DTNB: variants seen among roughly 807,000 people sequenced by gnomAD.
DTNB encodes the protein DTN-B.
DTNB carries 63 observed loss-of-function variants against 90.7 expected under a neutral mutation model. That is an observed-to-expected ratio of 0.69 (90% CI 0.57 to 0.86). The LOEUF (loss-of-function observed/expected upper bound fraction) is 0.86. DTNB is among the 40% of genes least tolerant of loss of function. DTNB has a pLI of 0.00. For missense variants in DTNB, 744 were observed against 807.1 expected (o/e 0.92, Z 0.95); for synonymous variants, 277 against 286.7 (o/e 0.97, Z 0.34).
At chr2:25,564,563 T>C (rs1043159696) in intron 8 of DTNB, among the ~76,000 whole-genome samples, 7 of 151,872 alleles carry the variant, frequency 4.6e-5, no homozygotes, top group Admixed American at 1.3e-4. Flanking sequence ...TTTTTTTGTA[T>C]TTTTAATAGA....
chr2:25,502,758 C>T (rs1405139061), intron 9 of DTNB, among the ~76,000 whole-genome samples: 4 of 151,352 alleles, frequency 2.6e-5, no homozygotes, highest in African/African-American at 9.7e-5. Context: ...TGGTGGCCAG[C>T]GCCTGTAGTC....
At chr2:25,397,790 G>C (rs1021713368) in intron 16 of DTNB, among the ~76,000 whole-genome samples, 1 of 148,432 alleles carries the variant, frequency 6.7e-6, no homozygotes, top group African/African-American at 2.5e-5. Flanking sequence ...TGACGCAGGA[G>C]AATCGCTTGA....
intron 9 of DTNB, among the ~76,000 whole-genome samples, chr2:25,518,164 G>A (rs1244629021): frequency 1.3e-5 from 2 of 151,750 alleles, no homozygotes; most frequent in South Asian, 2.1e-4. Flanking sequence ...CTTAAAAACC[G>A]TACACTTAAA....
At chr2:25,416,706 G>C (rs993374877) in intron 16 of DTNB, among the ~76,000 whole-genome samples, 1 of 151,726 alleles carries the variant, frequency 6.6e-6, no homozygotes, top group Non-Finnish European at 1.5e-5. Flanking sequence ...AAGCTAACAA[G>C]TTATACAATT....
chr2:25,408,077 G>A (rs1489232229), intron 16 of DTNB, among the ~76,000 whole-genome samples: 1 of 151,998 alleles, frequency 6.6e-6, no homozygotes, highest in African/African-American at 2.4e-5. Flanking sequence ...AGGCTGAGGT[G>A]GGTGGATCAC....
chr2:25,556,167 T>C (rs2057311801), intron 8 of DTNB, among the ~76,000 whole-genome samples: 1 of 139,626 alleles, frequency 7.2e-6, no homozygotes, highest in African/African-American at 2.8e-5. Flanking sequence ...TTTGGCCATC[T>C]CTCTTTTTTT....
chr2:25,627,926 C>A lies in DTNB; in HGVS notation c.362+245G>T, dbSNP rs566248737. ...TAATTTTTTGTATTTTTAGTAGAGA[C>A]GGGGTTTCACCGTGTTAGCCGGGAT... On this transcript the variant is annotated intron_variant, in intron 4 of 20. Transcript: ENST00000406818. Among the ~76,000 whole-genome samples, 12 of 151,982 alleles carry A rather than the reference C, an allele frequency of 7.9e-5. No individual in the cohort carries two copies. In the South Asian group the frequency reaches 2.3e-3, roughly 29 times the overall value.
At chr2:25,456,416 T>A (rs2060039297) in intron 10 of DTNB, among the ~76,000 whole-genome samples, 1 of 152,148 alleles carries the variant, frequency 6.6e-6, no homozygotes. Context: ...CAAAAATATT[T>A]TAGTATCCCA....
intron 5 of DTNB, among the ~76,000 whole-genome samples, chr2:25,601,880 G>A (rs1471810232): frequency 1.3e-5 from 2 of 152,088 alleles, no homozygotes; most frequent in African/African-American, 4.8e-5. Flanking sequence ...CTAACACTTG[G>A]GGAGGCCAAG....
chr2:25,633,509 C>A (rs949108668), intron 3 of DTNB, among the ~76,000 whole-genome samples: 31 of 152,200 alleles, frequency 2.0e-4, no homozygotes, highest in Admixed American at 1.8e-3. Context: ...GATCTCGGCT[C>A]GCTACAACCT....
At chr2:25,447,399 T>C (rs1044216193) in intron 12 of DTNB, among the ~76,000 whole-genome samples, 10 of 152,086 alleles carry the variant, frequency 6.6e-5, no homozygotes, top group African/African-American at 2.4e-4. Flanking sequence ...AAAGTAAGTA[T>C]AGACAGGCCT....
intron 8 of DTNB, among the ~76,000 whole-genome samples, chr2:25,541,726 TACAA>T (rs1233681393): frequency 6.6e-6 from 1 of 152,190 alleles, no homozygotes; most frequent in Admixed American, 6.5e-5. Context: ...AACATGAGTG[TACAA>T]ACATCTCTTT....
At chr2:25,525,708 T>C (rs2076963716) in intron 9 of DTNB, among the ~76,000 whole-genome samples, 3 of 152,010 alleles carry the variant, frequency 2.0e-5, no homozygotes, top group African/African-American at 7.3e-5. Flanking sequence ...AAAATCCAAG[T>C]TCTAATTCTT....
Position 25,531,060 on chromosome 2 carries a change from C to T in DTNB, c.1001+413G>A, listed in dbSNP as rs1030633313. 1.1e-4 allele frequency among the ~76,000 whole-genome samples: 16 copies of T among 152,204 alleles called. 1 individual carries two copies. Among genetic ancestry groups the T allele is most frequent in the South Asian group, 4.2e-4 (2 of 4,814 alleles). On this transcript the variant is annotated intron_variant, in intron 9 of 20. Transcript: ENST00000406818. ...TATGTTTCCTAATTTTCCCTCAATA[C>T]AAAAAACAGCAAATTAAGTTGATTT... is the stretch of plus-strand genomic sequence containing the variant.
At chr2:25,476,930 C>T (rs1305160511) in intron 10 of DTNB, among the ~76,000 whole-genome samples, 1 of 152,178 alleles carries the variant, frequency 6.6e-6, no homozygotes, top group African/African-American at 2.4e-5. Context: ...AACAGCATCA[C>T]ATGCCACAGA....
At chr2:25,420,234 T>C (rs1218750017) in intron 15 of DTNB, among the ~76,000 whole-genome samples, 1 of 145,428 alleles carries the variant, frequency 6.9e-6, no homozygotes, top group Non-Finnish European at 1.5e-5. Context: ...TGGAACTGTA[T>C]CCCCGTCTAC....
At chr2:25,429,357 C>T (rs1490120415) in intron 14 of DTNB, among the ~76,000 whole-genome samples, 1 of 152,090 alleles carries the variant, frequency 6.6e-6, no homozygotes, top group Non-Finnish European at 1.5e-5. Flanking sequence ...GGCTCTAGAT[C>T]CCATCTACAT....
At chr2:25,503,874 A>G (rs1011076727) in intron 9 of DTNB, among the ~76,000 whole-genome samples, 1 of 151,862 alleles carries the variant, frequency 6.6e-6, no homozygotes. Context: ...CTGAGATGGC[A>G]CCACTGAGCT....
intron 15 of DTNB, among the ~76,000 whole-genome samples, chr2:25,420,273 T>C (rs997865718): frequency 6.8e-6 from 1 of 147,550 alleles, no homozygotes. Flanking sequence ...TTTTTTTTTT[T>C]TTTTTTTTTT....
Sources: gnomAD v4.1 joint callset for allele counts (sites outside exome capture counted in the v4.1 genomes callset) on GRCh38, gnomAD v4.1.1 for gene constraint, MANE v1.5 for transcripts, NCBI Gene and HGNC (gene_info 2026-07-23, HGNC 2026-07-21) for gene names.